The following IQCJ variants were observed in gnomAD, a reference collection of about 807,000 sequenced individuals.
IQCJ encodes IQ motif containing J.
Under a neutral mutation model 11.0 loss-of-function variants are expected in IQCJ, and 9 were observed. That is an observed-to-expected ratio of 0.82 (90% CI 0.49 to 1.43). The LOEUF is 1.43. Among genes scored for constraint, IQCJ ranks in the 40% most tolerant of loss-of-function variants. The pLI is 0.00. For missense variants in IQCJ, 146 were observed against 133.2 expected (o/e 1.10, Z -0.47); for synonymous variants, 55 against 51.3 (o/e 1.07, Z -0.31).
intron 1 of IQCJ, among the ~76,000 whole-genome samples, chr3:159,212,499 T>C (rs1218527134): frequency 6.6e-6 from 1 of 152,212 alleles, no homozygotes; most frequent in Non-Finnish European, 1.5e-5. Context: ...GCTAAGAAAT[T>C]ACTTCCTCTT....
chr3:159,109,492 A>G (rs911107839), intron 1 of IQCJ, among the ~76,000 whole-genome samples: 8 of 147,178 alleles, frequency 5.4e-5, no homozygotes, highest in Non-Finnish European at 1.2e-4. Flanking sequence ...TTAAGAAAGC[A>G]CATAAGGCTG....
intron 1 of IQCJ, among the ~76,000 whole-genome samples, chr3:159,086,238 G>A (rs953823438): frequency 3.3e-5 from 5 of 151,984 alleles, no homozygotes; most frequent in South Asian, 2.1e-4. Flanking sequence ...GATATGTGTC[G>A]TTATTTCTGA....
chr3:159,171,360 G>A (rs947567352), intron 1 of IQCJ, among the ~76,000 whole-genome samples: 18 of 152,242 alleles, frequency 1.2e-4, no homozygotes, highest in South Asian at 2.1e-4. Context: ...GCATTTGTGC[G>A]TCAGAGACAC....
chr3:159,160,524 T>G (rs1461788807), intron 1 of IQCJ, among the ~76,000 whole-genome samples: 1 of 151,670 alleles, frequency 6.6e-6, no homozygotes, highest in African/African-American at 2.4e-5. Context: ...TTTTTTTATT[T>G]TATTATTTTA....
At chr3:159,225,014 T>C (rs1462640221) in intron 1 of IQCJ, among the ~76,000 whole-genome samples, 1 of 152,072 alleles carries the variant, frequency 6.6e-6, no homozygotes, top group Non-Finnish European at 1.5e-5. Flanking sequence ...ATATAACCCA[T>C]AAAATTTGGC....
At chr3:159,092,803 T>C (rs945641687) in intron 1 of IQCJ, among the ~76,000 whole-genome samples, 1 of 151,646 alleles carries the variant, frequency 6.6e-6, no homozygotes, top group African/African-American at 2.4e-5. Context: ...ACTATTTTTT[T>C]TTTTTAGCCA....
intron 1 of IQCJ, among the ~76,000 whole-genome samples, chr3:159,182,442 A>C (rs1240327077): frequency 6.6e-6 from 1 of 152,002 alleles, no homozygotes; most frequent in East Asian, 1.9e-4. Flanking sequence ...TGTCTATCTA[A>C]GTAGTGTAGC....
At chr3:159,252,601 ATAAAT>A (rs887666358) in intron 2 of IQCJ, 121 bp from the exon 3 acceptor site, 2 of 858,466 alleles carry the variant, frequency 2.3e-6, no homozygotes, top group Non-Finnish European at 3.3e-6. Context: ...AGGAACTTTA[ATAAAT>A]TAAAATAAAC....
At chr3:159,114,534 C>T (rs1718837904) in intron 1 of IQCJ, among the ~76,000 whole-genome samples, 1 of 120,766 alleles carries the variant, frequency 8.3e-6, no homozygotes, top group African/African-American at 3.1e-5. Context: ...TGGTCTCGAA[C>T]TCCTGACCTC....
At chr3:159,075,132 G>T (rs528973631) in intron 1 of IQCJ, among the ~76,000 whole-genome samples, 222 of 152,174 alleles carry the variant, frequency 1.5e-3, no homozygotes, top group African/African-American at 5.1e-3. Context: ...AAGACTTGAC[G>T]CTAAATAAGC....
At chr3:159,165,572 C>G (rs1216266030) in intron 1 of IQCJ, among the ~76,000 whole-genome samples, 1 of 151,546 alleles carries the variant, frequency 6.6e-6, no homozygotes, top group Non-Finnish European at 1.5e-5. Flanking sequence ...GAAGCTGGGG[C>G]TATTGTTAAA....
At chr3:159,222,831 T>G (rs916015003) in intron 1 of IQCJ, among the ~76,000 whole-genome samples, 5 of 152,134 alleles carry the variant, frequency 3.3e-5, no homozygotes, top group South Asian at 2.1e-4. Context: ...TAAAAAATTT[T>G]CTATAAACAG....
chr3:159,146,752 G>A (rs935353354), intron 1 of IQCJ, among the ~76,000 whole-genome samples: 1 of 152,100 alleles, frequency 6.6e-6, no homozygotes, highest in Non-Finnish European at 1.5e-5. Context: ...GTAAATAAAA[G>A]CTTCAGAATA....
At chr3:159,207,881 A>T (rs1186717590) in intron 1 of IQCJ, among the ~76,000 whole-genome samples, 1 of 152,228 alleles carries the variant, frequency 6.6e-6, no homozygotes, top group Non-Finnish European at 1.5e-5. Flanking sequence ...CCAGCTGAAC[A>T]AGCTGAAAAA....
At chr3:159,121,971 G>A (rs1357812834) in intron 1 of IQCJ, among the ~76,000 whole-genome samples, 3 of 152,206 alleles carry the variant, frequency 2.0e-5, no homozygotes, top group Admixed American at 6.5e-5. Context: ...ATCACAGAGT[G>A]TCATAGACTG....
At chr3:159,218,727 A>C (rs969404804) in intron 1 of IQCJ, among the ~76,000 whole-genome samples, 1 of 152,110 alleles carries the variant, frequency 6.6e-6, no homozygotes, top group Admixed American at 6.6e-5. Flanking sequence ...GTTTGGAGTG[A>C]ATCTTTGTAT....
intron 1 of IQCJ, among the ~76,000 whole-genome samples, chr3:159,223,037 A>C (rs1725640925): frequency 6.6e-6 from 1 of 152,262 alleles, no homozygotes; most frequent in East Asian, 1.9e-4. Context: ...CAACATATTT[A>C]TACTACTCAA....
chr3:159,212,161 C>T (rs993469010), intron 1 of IQCJ, among the ~76,000 whole-genome samples: 1 of 151,834 alleles, frequency 6.6e-6, no homozygotes, highest in Non-Finnish European at 1.5e-5. Context: ...TTCGTGTGTG[C>T]CCTTTTGGAT....
intron 1 of IQCJ, among the ~76,000 whole-genome samples, chr3:159,228,553 G>A (rs1422383596): frequency 6.6e-6 from 1 of 152,058 alleles, no homozygotes; most frequent in African/African-American, 2.4e-5. Flanking sequence ...CACTTTGGGA[G>A]GCCGAGGCGG....
Sources: gnomAD v4.1 joint callset for allele counts (sites outside exome capture counted in the v4.1 genomes callset) on GRCh38, gnomAD v4.1.1 for gene constraint, MANE v1.5 for transcripts, NCBI Gene and HGNC (gene_info 2026-07-23, HGNC 2026-07-21) for gene names.